Variants in CYGB observed in about 807,000 individuals in gnomAD.
The protein encoded by CYGB is histoglobin.
Under a neutral mutation model 20.7 loss-of-function variants are expected in CYGB, and 13 were observed. That is an observed-to-expected ratio of 0.63 (90% confidence interval 0.41 to 1.00). The LOEUF (loss-of-function observed/expected upper bound fraction) is 1.00, where lower values mean the gene tolerates loss of function less well. Ranked by LOEUF, CYGB falls within the 50% of genes least tolerant of loss-of-function variation. The pLI is 0.00. For missense variants in CYGB, 218 were observed against 257.2 expected (o/e 0.85, Z 1.04); for synonymous variants, 93 against 107.4 (o/e 0.87, Z 0.83).
chr17:76,538,370 G>A (rs2074947657), upstream of CYGB: 1 of 365,382 alleles, frequency 2.7e-6, no homozygotes, highest in Non-Finnish European at 5.6e-6. Context: ...CCGGCTGTCG[G>A]AACTTGAGCG....
upstream of CYGB, chr17:76,540,325 C>T: frequency 7.4e-7 from 1 of 1,356,574 alleles, no homozygotes; most frequent in Non-Finnish European, 1.0e-6. The surrounding 1 kb of genome is among the most constrained non-coding windows in gnomAD (Gnocchi z 5.0). Flanking sequence ...TTCAGCGGGG[C>T]TGGGAGGGCA....
upstream of CYGB, chr17:76,540,250 TCGGGGG>T: frequency 6.3e-5 from 29 of 463,664 alleles, 4 homozygotes; most frequent in African/African-American, 9.1e-5. The surrounding 1 kb of genome is among the most constrained non-coding windows in gnomAD (Gnocchi z 5.0). Flanking sequence ...TGGCGGTTGG[TCGGGGG>T]GGGGGGGCAT....
Position 76,528,728 on chromosome 17 carries a change from C to T in CYGB, c.540-117G>A, listed in dbSNP as rs1012262800. On this transcript the variant is annotated intron_variant, in intron 3 of 3. Coordinates refer to ENST00000293230, the MANE Select transcript of CYGB (RefSeq NM_134268.5). This position sits in a 1 kb window ranked among gnomAD's most constrained non-coding sequence, Gnocchi z 5.8. ...TCACTTCCTGCCAAGAGATCCGGCA[C>T]AGTGCAGTTGAAAGCAACCGTGAGA... The T allele has an allele frequency of 3.6e-6, 4 of 1,099,692 alleles. No individual in the cohort carries two copies. Among genetic ancestry groups the T allele is most frequent in the East Asian group, 6.5e-5 (2 of 30,972 alleles). 68.1% of individuals were successfully genotyped at this position (1,099,692 alleles called of 1,614,324 possible).
upstream of CYGB, among the ~76,000 whole-genome samples, chr17:76,540,832 G>A (rs949220633): frequency 2.6e-5 from 4 of 152,312 alleles, no homozygotes; most frequent in East Asian, 1.9e-4. The surrounding 1 kb of genome is among the most constrained non-coding windows in gnomAD (Gnocchi z 5.0). Flanking sequence ...GCGGTCCCCC[G>A]GGGCACCTTC....
At chr17:76,539,832 T>C (rs1412065929), upstream of CYGB, among the ~76,000 whole-genome samples, 2 of 152,176 alleles carry the variant, frequency 1.3e-5, no homozygotes, top group Non-Finnish European at 2.9e-5. Flanking sequence ...GACAGCACAT[T>C]TGTTTAGAGT....
At chr17:76,544,116 C>A in intron 1 of CYGB, 1 of 454,538 alleles carries the variant, frequency 2.2e-6, no homozygotes, top group Non-Finnish European at 4.4e-6. Context: ...AGCAGATTTC[C>A]GCTTCTGCTC....
chr17:76,535,823 C>A (rs759232441), intron 1 of CYGB, among the ~76,000 whole-genome samples: 4 of 152,178 alleles, frequency 2.6e-5, no homozygotes, highest in African/African-American at 7.2e-5. Context: ...ATGATGTGGA[C>A]GGTGAGCACT....
At position 76,530,855 on chromosome 17, in the gene CYGB, G is replaced by A; in HGVS notation, c.539+124C>T. On this transcript the variant is annotated intron_variant, in intron 3 of 3. Coordinates refer to ENST00000293230, the MANE Select transcript of CYGB (RefSeq NM_134268.5). The surrounding 1 kb of genome is among the most constrained non-coding windows in gnomAD (Gnocchi z 6.1). ...TTCTTACATGTCAGACCCCAGGGTTGGCCTGCCTCAAGTGTGCCTGCCCAG... is the reference window on the plus strand; with the variant it reads ...TTCTTACATGTCAGACCCCAGGGTTAGCCTGCCTCAAGTGTGCCTGCCCAG... 2.7e-6 allele frequency: 3 copies of A among 1,092,218 alleles called. No individual in the cohort carries two copies. The highest frequency in any genetic ancestry group is 3.8e-6 in the Non-Finnish European group (3 of 779,602). 67.7% of individuals were successfully genotyped at this position (1,092,218 alleles called of 1,614,324 possible).
rs1371384366 is a variant in CYGB, at chr17:76,527,549, A to C, written c.*1029T>G. ...GACGACACACGTGACCAAGGGGCAC[A>C]CACGGGGGGCCCCCCTGGCAAGCCT... On this transcript the variant is annotated 3_prime_UTR_variant, in exon 4 of 4. Transcript: ENST00000293230. 1 of 444,046 alleles carries C rather than the reference A, an allele frequency of 2.3e-6. No homozygotes were observed. Among genetic ancestry groups the C allele is most frequent in the South Asian group, 1.6e-5 (1 of 64,168 alleles). The allele number at this position is 444,046 out of a possible 1,614,324, so 27.5% of individuals were successfully genotyped here. A position where few individuals can be genotyped will look rare whatever the true frequency, so the allele number is the denominator to read the frequency against.
chr17:76,545,056 G>A (rs538161760), intron 1 of CYGB: 1 of 451,578 alleles, frequency 2.2e-6, no homozygotes, highest in Non-Finnish European at 4.5e-6. Flanking sequence ...CATGTGGGCC[G>A]GGTGGGGGGG....
chr17:76,531,631 A>T lies in CYGB; in HGVS notation c.204T>A (p.Asp68Glu), dbSNP rs371044084. ...QYFSQFKHME[D>E]PLEMERSPQL... is the part of the protein sequence containing the mutation. ...GGGGGCTCCGCTCCATCTCCAGGGGATCCTCCATGTGCTTGAACTGGCTGA... is the reference window on the plus strand; with the variant it reads ...GGGGGCTCCGCTCCATCTCCAGGGGTTCCTCCATGTGCTTGAACTGGCTGA... Residue 68 changes from aspartate (D) to glutamate (E), a missense_variant, in exon 2 of 4, where the codon GAT becomes GAA. Physicochemically the swap from Asp to Glu is conservative, Grantham distance 45 (BLOSUM62 2). Around this residue, in one of 2 missense-constraint regions of CYGB, gnomAD observed 152 missense variants for 149.9 expected, o/e 1.01. Coordinates refer to ENST00000293230, the MANE Select transcript of CYGB (RefSeq NM_134268.5). The surrounding 1 kb of genome is among the most constrained non-coding windows in gnomAD (Gnocchi z 7.4). The T allele has an allele frequency of 6.4e-5, 103 of 1,612,468 alleles. No individual in the cohort carries two copies. The highest frequency in any genetic ancestry group is 4.9e-4 in the Middle Eastern group (3 of 6,072).
intron 1 of CYGB, among the ~76,000 whole-genome samples, chr17:76,535,012 A>T (rs899638939): frequency 6.6e-6 from 1 of 152,240 alleles, no homozygotes; most frequent in Non-Finnish European, 1.5e-5. Context: ...CTGGGCTTCC[A>T]AGAGAGCCTG....
At chr17:76,532,730 T>C (rs562228309) in intron 1 of CYGB, among the ~76,000 whole-genome samples, 6 of 151,590 alleles carry the variant, frequency 4.0e-5, no homozygotes, top group Non-Finnish European at 7.4e-5. Flanking sequence ...AGAGACAGGG[T>C]TTCACCATGT....
chr17:76,542,656 G>T, upstream of CYGB: 1 of 1,490,740 alleles, frequency 6.7e-7, no homozygotes, highest in Non-Finnish European at 9.4e-7. Flanking sequence ...TGGGAGCCGG[G>T]GAGGGCAGAG....
chr17:76,542,696 A>C, upstream of CYGB: 1 of 1,070,830 alleles, frequency 9.3e-7, no homozygotes, highest in Non-Finnish European at 1.4e-6. Context: ...AGGAAGCAAC[A>C]GGCAAGTCCC....
At position 76,537,620 on chromosome 17, in the gene CYGB, G is replaced by A. The variant is rs889567340; in HGVS notation, c.-78C>T. ...CGGGGCGCGGGGCGCGGGGCGCCGG[G>A]AGCCGGGGCCGGCTGCGTGCGCGGC... is the stretch of plus-strand genomic sequence containing the variant. On this transcript the variant is annotated 5_prime_UTR_variant, in exon 1 of 4. Transcript: ENST00000293230. 11 of 991,022 alleles carry A rather than the reference G, an allele frequency of 1.1e-5. No homozygotes were observed. The highest frequency in any genetic ancestry group is 1.1e-4 in the African/African-American group (6 of 56,750). 61.4% of individuals were successfully genotyped at this position (991,022 alleles called of 1,614,324 possible).
Position 76,534,128 on chromosome 17 carries a change from T to TTCTCTC in CYGB, c.144-2443_144-2438dup, listed in dbSNP as rs1436503180. ...CTTTCTTTCTTCTTTCTTTCTTTCT[T>TTCTCTC]TCTCTCTCTCTTTCTCTTTCTCTCT... is the stretch of plus-strand genomic sequence containing the variant. On this transcript the variant is annotated intron_variant, in intron 1 of 3. Transcript: ENST00000293230. Among the ~76,000 whole-genome samples the TTCTCTC allele has an allele frequency of 2.3e-4, 31 of 133,426 alleles. 1 individual carries two copies. In the East Asian group the frequency reaches 6.7e-3, roughly 29 times the overall value. 87.5% of individuals were successfully genotyped at this position (133,426 alleles called of 152,430 possible).
rs8189 is a variant in CYGB at position 76,527,709 on chromosome 17, C to T, written c.*869G>A. 201,413 of 453,780 alleles carry T rather than the reference C, an allele frequency of 0.44. 46,688 individuals are homozygous for T. Among genetic ancestry groups the T allele is most frequent in the East Asian group, 0.62 (8,914 of 14,358 alleles). 28.1% of individuals were successfully genotyped at this position (453,780 alleles called of 1,614,324 possible). A position where few individuals can be genotyped will look rare whatever the true frequency, so the allele number is the denominator to read the frequency against. On this transcript the variant is annotated 3_prime_UTR_variant, in exon 4 of 4. Transcript: ENST00000293230. ...CTGCTGCCCAGCAGCCCGGATCCCC[C>T]GGGGCTGCCCTGGTGGCCAAGGCAG...
chr17:76,529,788 C>T (rs1439407478), intron 3 of CYGB: 2 of 985,236 alleles, frequency 2.0e-6, no homozygotes, highest in Admixed American at 6.1e-5. Flanking sequence ...CCAACATCTG[C>T]TTGTTTCCCA....
Sources: allele counts gnomAD v4.1 joint callset (sites outside exome capture counted in the v4.1 genomes callset), GRCh38; gene constraint gnomAD v4.1.1; regional missense constraint gnomAD v4.1.1; non-coding constraint Gnocchi (gnomAD v3.1); transcripts MANE v1.5; gene names NCBI Gene and HGNC (gene_info 2026-07-23, HGNC 2026-07-21).